Variants in SCAF8 observed in about 807,000 individuals in gnomAD.
SCAF8 encodes SR-related CTD associated factor 8, also known as SR-related and CTD-associated factor 8.
SCAF8 carries 23 observed loss-of-function variants against 140.5 expected under a neutral mutation model. That is an observed-to-expected ratio of 0.16 (90% CI 0.12 to 0.23). The LOEUF (loss-of-function observed/expected upper bound fraction) is 0.23, where lower values mean the gene tolerates loss of function less well. SCAF8 is among the 10% of genes least tolerant of loss of function. The pLI is 1.00. For synonymous variants in SCAF8, 575 were observed against 528.9 expected (o/e 1.09, Z -1.20); for missense variants, 1,397 against 1,555.7 (o/e 0.90, Z 1.72).
Position 154,784,777 on chromosome 6 carries a change from G to T in SCAF8, c.160-3084G>T, listed in dbSNP as rs182756743. ...TTGGTATCTTCAGGGGTCTTGGAAC[G>T]AATCCCCCAAGGCTACTGAAGGACA... On this transcript the variant is annotated intron_variant, in intron 3 of 19. Coordinates refer to ENST00000367178, the MANE Select transcript of SCAF8 (RefSeq NM_014892.5). Among the ~76,000 whole-genome samples, 296 of 152,284 alleles carry T rather than the reference G, an allele frequency of 1.9e-3. 3 individuals are homozygous for T. The highest frequency in any genetic ancestry group is 2.1e-3 in the South Asian group (10 of 4,828).
chr6:154,819,917 G>A (rs901336344), intron 14 of SCAF8, among the ~76,000 whole-genome samples: 5 of 150,052 alleles, frequency 3.3e-5, no homozygotes, highest in East Asian at 4.1e-4. Flanking sequence ...GCTTGAGCCC[G>A]GAAGGTCAAG....
rs773116288 is a variant in SCAF8 at position 154,787,875 on chromosome 6, C to T, written c.174C>T (p.Tyr58=). 1.9e-6 allele frequency: 3 copies of T among 1,610,502 alleles called. No individual in the cohort carries two copies. The South Asian group carries it at 3.3e-5, about 18-fold the overall frequency. Residue 58 remains tyrosine (Y), a synonymous_variant, in exon 4 of 20, where the codon TAC becomes TAT. Coordinates refer to ENST00000367178, the MANE Select transcript of SCAF8 (RefSeq NM_014892.5). The part of the protein sequence containing the change: ...EKFIQKCKPE[Y]KVPGLYVIDS... ...TTTTTCATCAGTGTAAACCAGAATA[C>T]AAAGTACCTGGACTTTATGTTATTG... is the stretch of plus-strand genomic sequence containing the variant.
intron 6 of SCAF8, among the ~76,000 whole-genome samples, chr6:154,796,389 C>CTCTCTCTCTCTCTCTCTCTCTGTCCG (rs376622207): frequency 7.1e-6 from 1 of 140,968 alleles, no homozygotes; most frequent in African/African-American, 2.8e-5. Flanking sequence ...CTCTCTCTCT[C>CTCTCTCTCTCTCTCTCTCTCTGTCCG]TCTGTCTCTC....
At chr6:154,758,758 G>C (rs138262057) in intron 1 of SCAF8, among the ~76,000 whole-genome samples, 50 of 152,260 alleles carry the variant, frequency 3.3e-4, no homozygotes, top group Non-Finnish European at 6.0e-4. Context: ...AGCCACAGAT[G>C]GATCTTCTTG....
At position 154,733,559 on chromosome 6, in the gene SCAF8, A is replaced by C; in HGVS notation, c.-342A>C. On this transcript the variant is annotated 5_prime_UTR_variant, in exon 1 of 20. Transcript: ENST00000367178. Reference sequence around the variant, plus strand: ...AGAAGGGAGTGGAGAGTGTAGGGGAAGGGGCTAGAGGGAGGGGGACCGAAA... The same window carrying C: ...AGAAGGGAGTGGAGAGTGTAGGGGACGGGGCTAGAGGGAGGGGGACCGAAA... 7.8e-7 allele frequency: 1 copy of C among 1,276,286 alleles called. No individual in the cohort carries two copies. The highest frequency in any genetic ancestry group is 9.9e-7 in the Non-Finnish European group (1 of 1,012,854). The allele number at this position is 1,276,286 out of a possible 1,614,324, so 79.1% of individuals were successfully genotyped here.
At chr6:154,762,224 C>T (rs1435489928) in intron 1 of SCAF8, among the ~76,000 whole-genome samples, 1 of 152,186 alleles carries the variant, frequency 6.6e-6, no homozygotes, top group Non-Finnish European at 1.5e-5. Context: ...AGGTCAGGAT[C>T]TAGGCGTTGG....
At chr6:154,798,162 T>G (rs1777663422) in intron 6 of SCAF8, among the ~76,000 whole-genome samples, 1 of 151,410 alleles carries the variant, frequency 6.6e-6, no homozygotes, top group Admixed American at 6.6e-5. Context: ...ATAATCAAGA[T>G]TAATTGCAAT....
chr6:154,768,096 C>T (rs1465344915), intron 1 of SCAF8, among the ~76,000 whole-genome samples: 1 of 152,122 alleles, frequency 6.6e-6, no homozygotes, highest in Non-Finnish European at 1.5e-5. Flanking sequence ...GGTTTTTGGC[C>T]TTTTGAGATA....
At position 154,780,226 on chromosome 6, in the gene SCAF8, A is replaced by G. The variant is rs558151300; in HGVS notation, c.159+2181A>G. ...AGTCATTAACCTGTTCTCTTTCTCT[A>G]TTTTACATTTCAAAATGTTATATAA... On this transcript the variant is annotated intron_variant, in intron 3 of 19. Transcript: ENST00000367178. Among the ~76,000 whole-genome samples, 17 of 151,856 alleles carry G rather than the reference A, an allele frequency of 1.1e-4. No individual in the cohort carries two copies. The East Asian group carries it at 1.4e-3, about 12-fold the overall frequency.
At chr6:154,760,199 T>G (rs2114822676) in intron 1 of SCAF8, among the ~76,000 whole-genome samples, 1 of 152,204 alleles carries the variant, frequency 6.6e-6, no homozygotes, top group South Asian at 2.1e-4. Context: ...GAGGCTGAGG[T>G]GAGAGAATCA....
At chr6:154,827,710 C>T (rs950968916) in intron 18 of SCAF8, among the ~76,000 whole-genome samples, 17 of 151,620 alleles carry the variant, frequency 1.1e-4, no homozygotes, top group South Asian at 2.1e-4. Flanking sequence ...GCTTAGATTC[C>T]GGTTCACCTG....
rs771225975 is a variant in SCAF8 at position 154,808,220 on chromosome 6, C to A, written c.1113+19C>A. 1 of 1,607,476 alleles carries A rather than the reference C, an allele frequency of 6.2e-7. No individual in the cohort carries two copies. The highest frequency in any genetic ancestry group is 8.5e-7 in the Non-Finnish European group (1 of 1,175,650). Reference sequence around the variant, plus strand: ...GCAACAGGTAAAAGTAAATGTTTTTCTGGGTCATAAATTTCTAAAAGTAGC... The same window carrying A: ...GCAACAGGTAAAAGTAAATGTTTTTATGGGTCATAAATTTCTAAAAGTAGC... On this transcript the variant is annotated intron_variant, in intron 10 of 19. Transcript: ENST00000367178.
chr6:154,802,860 A>G (rs933105282), intron 7 of SCAF8, among the ~76,000 whole-genome samples: 1 of 152,116 alleles, frequency 6.6e-6, no homozygotes, highest in African/African-American at 2.4e-5. Flanking sequence ...CTTCTCTACA[A>G]CTAGTCACTA....
intron 1 of SCAF8, among the ~76,000 whole-genome samples, chr6:154,761,546 CT>C (rs559779686): frequency 6.6e-6 from 1 of 152,208 alleles, no homozygotes; most frequent in African/African-American, 2.4e-5. Flanking sequence ...CAGACTGGTC[CT>C]TTTTTTAGTA....
intron 1 of SCAF8, among the ~76,000 whole-genome samples, chr6:154,750,084 AAAG>A (rs1240683029): frequency 6.7e-6 from 1 of 148,900 alleles, no homozygotes; most frequent in Non-Finnish European, 1.5e-5. Flanking sequence ...TCAGGGAGAG[AAAG>A]AAGATTGAGG....
At chr6:154,758,289 TTTTG>T (rs1187524754) in intron 1 of SCAF8, among the ~76,000 whole-genome samples, 37 of 152,186 alleles carry the variant, frequency 2.4e-4, no homozygotes, top group African/African-American at 7.5e-4. Context: ...GGATGTTGAT[TTTTG>T]TTTATCAGGC....
chr6:154,812,293 T>TC (rs35210577), intron 12 of SCAF8, among the ~76,000 whole-genome samples: 4 of 46,072 alleles, frequency 8.7e-5, no homozygotes, highest in Non-Finnish European at 2.4e-4. Flanking sequence ...CTATGTCAGC[T>TC]TTTTTTTTTT....
intron 1 of SCAF8, among the ~76,000 whole-genome samples, chr6:154,767,932 T>C (rs1218076142): frequency 6.6e-6 from 1 of 152,206 alleles, no homozygotes; most frequent in Non-Finnish European, 1.5e-5. Flanking sequence ...TTTAGATCTG[T>C]CACCTCTCTT....
At chr6:154,747,032 A>T (rs922023745) in intron 1 of SCAF8, among the ~76,000 whole-genome samples, 13 of 152,196 alleles carry the variant, frequency 8.5e-5, no homozygotes, top group African/African-American at 3.1e-4. Context: ...ATGGAAAAGG[A>T]TTTAGGTAAG....
Sources: allele counts gnomAD v4.1 joint callset (sites outside exome capture counted in the v4.1 genomes callset), GRCh38; gene constraint gnomAD v4.1.1; transcripts MANE v1.5; gene names NCBI Gene and HGNC (gene_info 2026-07-23, HGNC 2026-07-21).